Variants in PLA2G4A observed in about 807,000 individuals in gnomAD.
PLA2G4A encodes cytosolic phospholipase A2.
Under a neutral mutation model 81.9 loss-of-function variants are expected in PLA2G4A, and 40 were observed. That is an observed-to-expected ratio of 0.49 (90% CI 0.38 to 0.64). The LOEUF is 0.64. Among genes scored for constraint, PLA2G4A ranks in the 30% least tolerant of loss-of-function variants. The probability of loss-of-function intolerance (pLI) is 0.00; values close to 1 mark genes in which losing one functional copy is unlikely to be tolerated. For missense variants in PLA2G4A, 715 were observed against 905.1 expected, an observed-to-expected ratio of 0.79 and a Z score of 2.69; for synonymous variants, 302 against 296.9, an observed-to-expected ratio of 1.02 and a Z score of -0.18.
chr1:186,884,600 G>C (rs1653862157), intron 3 of PLA2G4A, among the ~76,000 whole-genome samples: 1 of 152,120 alleles, frequency 6.6e-6, no homozygotes, highest in African/African-American at 2.4e-5. Flanking sequence ...AGCCAGGCTT[G>C]GCGTGGTGGC....
intron 14 of PLA2G4A, among the ~76,000 whole-genome samples, chr1:186,963,022 A>G (rs976698710): frequency 1.3e-5 from 2 of 151,912 alleles, no homozygotes; most frequent in Non-Finnish European, 1.5e-5. Context: ...TAAAATGGCT[A>G]CCTCCTTTGT....
intron 1 of PLA2G4A, among the ~76,000 whole-genome samples, chr1:186,840,281 C>T (rs1651932809): frequency 6.6e-6 from 1 of 152,166 alleles, no homozygotes; most frequent in Non-Finnish European, 1.5e-5. Flanking sequence ...CCCAAGTCTA[C>T]TCCCTTCAAG....
chr1:186,882,150 G>A (rs1306804031), intron 3 of PLA2G4A, among the ~76,000 whole-genome samples: 3 of 152,068 alleles, frequency 2.0e-5, no homozygotes, highest in Admixed American at 6.6e-5. Context: ...CTAATCAGCA[G>A]GTTGAAGCTT....
intron 10 of PLA2G4A, among the ~76,000 whole-genome samples, chr1:186,944,555 A>G (rs1036555337): frequency 1.3e-5 from 2 of 152,182 alleles, no homozygotes; most frequent in African/African-American, 2.4e-5. Context: ...AAATCGTTGT[A>G]AATCACACCA....
chr1:186,874,008 G>A (rs1001617723), intron 3 of PLA2G4A, among the ~76,000 whole-genome samples: 6 of 151,982 alleles, frequency 3.9e-5, no homozygotes, highest in South Asian at 2.1e-4. Flanking sequence ...CAAAATCATC[G>A]CTCTATTTTT....
chr1:186,939,140 T>A lies in PLA2G4A; in HGVS notation c.828T>A (p.Val276=). 6.2e-7 allele frequency: 1 copy of A among 1,609,526 alleles called. No individual in the cohort carries two copies. Among genetic ancestry groups the A allele is most frequent in the Non-Finnish European group, 8.5e-7 (1 of 1,175,938 alleles). The change falls in exon 9 of 18, where the codon GTT becomes GTA. Residue 276 remains valine, a synonymous_variant. Coordinates refer to ENST00000367466, the MANE Select transcript of PLA2G4A (RefSeq NM_024420.3). ...CACCACAGAAAGTTAAAAGATATGTTGAGTCTTTATGGAAGAAGAAAAGCT... is the reference window on the plus strand; with the variant it reads ...CACCACAGAAAGTTAAAAGATATGTAGAGTCTTTATGGAAGAAGAAAAGCT... ...LLTPQKVKRY[V]ESLWKKKSSG... is the part of the protein sequence containing the mutation.
At chr1:186,965,713 A>C in intron 15 of PLA2G4A, 120 bp downstream of exon 15, 1 of 787,576 alleles carries the variant, frequency 1.3e-6, no homozygotes, top group Non-Finnish European at 2.2e-6. Context: ...CATCTTTATG[A>C]GTAATAGTTC....
chr1:186,900,053 A>G (rs1348846292), intron 5 of PLA2G4A, among the ~76,000 whole-genome samples: 1 of 152,178 alleles, frequency 6.6e-6, no homozygotes, highest in Non-Finnish European at 1.5e-5. Context: ...TAGGGCTGCC[A>G]TTGATAAAAT....
chr1:186,881,229 A>C (rs780404843), intron 3 of PLA2G4A, among the ~76,000 whole-genome samples: 1 of 152,056 alleles, frequency 6.6e-6, no homozygotes, highest in Non-Finnish European at 1.5e-5. Context: ...TATTCAGCCT[A>C]TGAGAAAAAA....
chr1:186,859,039 T>G (rs1293971782), intron 2 of PLA2G4A, among the ~76,000 whole-genome samples: 1 of 151,998 alleles, frequency 6.6e-6, no homozygotes, highest in Non-Finnish European at 1.5e-5. Context: ...ATGATATTAG[T>G]GAAAGGGAAA....
At chr1:186,870,698 G>A (rs1249547235) in intron 3 of PLA2G4A, 182 bp downstream of exon 3, 1 of 1,540,666 alleles carries the variant, frequency 6.5e-7, no homozygotes, top group South Asian at 1.2e-5. Context: ...CATTTTACCT[G>A]GGCCTTAAAT....
At chr1:186,873,532 G>A (rs7512281) in intron 3 of PLA2G4A, among the ~76,000 whole-genome samples, 19,122 of 151,940 alleles carry the variant, frequency 0.13, 1,828 homozygotes, top group East Asian at 0.46. Context: ...TGCCTTGCTT[G>A]TGTGTCTGAG....
rs16825998 is a variant in PLA2G4A at position 186,835,700 on chromosome 1, A to G, written c.-70+6665A>G. Among the ~76,000 whole-genome samples the G allele has an allele frequency of 3.6e-3, 552 of 152,348 alleles. 26 individuals carry two copies. In the East Asian group the frequency reaches 0.092, roughly 25 times the overall value. On this transcript the variant is annotated intron_variant, in intron 1 of 17. Transcript: ENST00000367466. ...GAACACTAGGAAATTTCTGTAGTTC[A>G]CTTTCAATGATCAATGGTAATACAT...
intron 2 of PLA2G4A, among the ~76,000 whole-genome samples, chr1:186,860,404 A>G (rs1039953575): frequency 2.1e-5 from 2 of 94,528 alleles, no homozygotes; most frequent in African/African-American, 9.2e-5. Context: ...TGAGGGCAGG[A>G]CAAAATGCAA....
chr1:186,958,169 T>C (rs529832364), intron 14 of PLA2G4A, among the ~76,000 whole-genome samples: 1 of 152,266 alleles, frequency 6.6e-6, no homozygotes, highest in South Asian at 2.1e-4. Context: ...GTGTTATGTT[T>C]ATGGCATCAA....
rs553732813 is a variant in PLA2G4A, at chr1:186,944,521, A to G, written c.1034-2116A>G. ...TCCTAACAGCCTCTGATTCATTGCTAGTTATGTCTCACAAATTCCACGTAA... is the reference window on the plus strand; with the variant it reads ...TCCTAACAGCCTCTGATTCATTGCTGGTTATGTCTCACAAATTCCACGTAA... On this transcript the variant is annotated intron_variant, in intron 10 of 17. Coordinates refer to ENST00000367466, the MANE Select transcript of PLA2G4A (RefSeq NM_024420.3). 4.5e-4 allele frequency among the ~76,000 whole-genome samples: 69 copies of G among 152,308 alleles called. 1 individual carries two copies. The South Asian group carries it at 0.014, about 32-fold the overall frequency.
intron 7 of PLA2G4A, among the ~76,000 whole-genome samples, chr1:186,921,572 A>G (rs2891258): frequency 0.56 from 85,729 of 151,852 alleles, 25,828 homozygotes; most frequent in African/African-American, 0.78. Flanking sequence ...GTCAACGGAG[A>G]AGTTTCTCCT....
chr1:186,988,462 C>G lies in PLA2G4A; in HGVS notation c.2204C>G (p.Ala735Gly). The change falls in exon 18 of 18, where the codon GCA becomes GGA. Residue 735 changes from alanine (A) to glycine (G), a missense_variant. By Grantham distance (60) the Ala-to-Gly change is moderately conservative (BLOSUM62 0). Transcript: ENST00000367466. ...RCSVSLSNVEARRFFNKEFLS... is the reference protein window; with the variant it reads ...RCSVSLSNVEGRRFFNKEFLS... The stretch of plus-strand genomic sequence containing the variant: ...TCTGTTTCCCTTAGTAATGTTGAGG[C>G]AAGAAGATTTTTCAACAAGGAGTTT... The G allele has an allele frequency of 6.2e-7, 1 of 1,611,148 alleles. No homozygotes were observed. The highest frequency in any genetic ancestry group is 1.3e-5 in the African/African-American group (1 of 74,934).
In PLA2G4A at chr1:186,946,969, A is replaced by G. The variant is rs1656368177; in HGVS notation, c.1264+8A>G. Reference sequence around the variant, plus strand: ...CAATGGAGGAAGAATTAGGTATCCTAAAGATATGCTTACATTGATACAAAT... The same window carrying G: ...CAATGGAGGAAGAATTAGGTATCCTGAAGATATGCTTACATTGATACAAAT... On this transcript the variant is annotated splice_region_variant and intron_variant, in intron 12 of 17. Transcript: ENST00000367466. 1.4e-6 allele frequency: 2 copies of G among 1,446,886 alleles called. No homozygotes were observed. The highest frequency in any genetic ancestry group is 1.9e-6 in the Non-Finnish European group (2 of 1,027,592). The allele number at this position is 1,446,886 out of a possible 1,614,324, so 89.6% of individuals were successfully genotyped here.
Sources: gnomAD v4.1 joint callset for allele counts (sites outside exome capture counted in the v4.1 genomes callset) on GRCh38, gnomAD v4.1.1 for gene constraint, MANE v1.5 for transcripts, NCBI Gene and HGNC (gene_info 2026-07-23, HGNC 2026-07-21) for gene names.